NTRK3: variants seen among roughly 807,000 people sequenced by gnomAD.
NTRK3 encodes NT-3 growth factor receptor.
In NTRK3, 24 loss-of-function variants were observed where a neutral mutation model predicts 91.7. That is an observed-to-expected ratio of 0.26 (90% CI 0.19 to 0.37). NTRK3 has a LOEUF of 0.37. Among genes scored for constraint, NTRK3 ranks in the 10% least tolerant of loss-of-function variants. The probability of loss-of-function intolerance (pLI) is 1.00; values close to 1 mark genes in which losing one functional copy is unlikely to be tolerated. For missense variants in NTRK3, 880 were observed against 1,068.9 expected (o/e 0.82, Z 2.46); for synonymous variants, 483 against 404.0 (o/e 1.20, Z -2.34).
intron 3 of NTRK3, among the ~76,000 whole-genome samples, chr15:88,214,131 C>G (rs1328377483): frequency 6.6e-6 from 1 of 152,072 alleles, no homozygotes; most frequent in Non-Finnish European, 1.5e-5. Context: ...GATCTACGTG[C>G]TTAGCCACTG....
Position 88,255,480 on chromosome 15 carries a change from G to A in NTRK3, c.248+426C>T, listed in dbSNP as rs2053940741. 6.6e-6 allele frequency among the ~76,000 whole-genome samples: 1 copy of A among 152,068 alleles called. No individual in the cohort carries two copies. Among genetic ancestry groups the A allele is most frequent in the Admixed American group, 6.5e-5 (1 of 15,276 alleles). ...CCTTCCCTGCCGGCTAAGCGCTGCC[G>A]CCGCTGCCACCGCCGCTGCCGCCTC... is the stretch of plus-strand genomic sequence containing the variant. On this transcript the variant is annotated intron_variant, in intron 3 of 18. Transcript: ENST00000394480. The surrounding 1 kb of genome is among the most constrained non-coding windows in gnomAD (Gnocchi z 4.3).
intron 13 of NTRK3, among the ~76,000 whole-genome samples, chr15:88,121,292 TG>T (rs2052678838): frequency 6.6e-6 from 1 of 152,204 alleles, no homozygotes; most frequent in African/African-American, 2.4e-5. Flanking sequence ...GAAATGATGA[TG>T]GTGCACTATG....
exon 19 of NTRK3, chr15:87,873,598 T>C (rs1056461587): frequency 3.9e-5 from 9 of 231,918 alleles, no homozygotes; most frequent in Non-Finnish European, 6.0e-5. Flanking sequence ...CATGGTCTTC[T>C]AAAAGGTGGA....
At chr15:87,987,988 TAG>T (rs1028225242) in intron 14 of NTRK3, among the ~76,000 whole-genome samples, 4 of 152,300 alleles carry the variant, frequency 2.6e-5, no homozygotes, top group Non-Finnish European at 5.9e-5. Context: ...CTCAAGGACG[TAG>T]AGTTTCACTT....
intron 3 of NTRK3, among the ~76,000 whole-genome samples, chr15:88,228,919 A>G (rs545066565): frequency 2.6e-5 from 4 of 152,300 alleles, no homozygotes; most frequent in African/African-American, 9.6e-5. Flanking sequence ...CAGAAGTCTA[A>G]GGGTGGGAGT....
At chr15:88,094,167 T>G (rs929507248) in intron 13 of NTRK3, among the ~76,000 whole-genome samples, 1 of 152,036 alleles carries the variant, frequency 6.6e-6, no homozygotes, top group African/African-American at 2.4e-5. Context: ...GGAAGGGGCT[T>G]AAGAATAAAA....
chr15:88,030,517 G>T (rs1426044363), intron 14 of NTRK3, among the ~76,000 whole-genome samples: 1 of 152,168 alleles, frequency 6.6e-6, no homozygotes, highest in Non-Finnish European at 1.5e-5. Flanking sequence ...TCTGTGAGCA[G>T]ATATGATCAC....
intron 5 of NTRK3, among the ~76,000 whole-genome samples, chr15:88,166,716 A>G (rs1194718114): frequency 6.6e-6 from 1 of 152,210 alleles, no homozygotes; most frequent in Admixed American, 6.5e-5. Context: ...TATATCAGTT[A>G]CAACAGAAAG....
intron 5 of NTRK3, among the ~76,000 whole-genome samples, chr15:88,158,383 C>G (rs2044117533): frequency 6.6e-6 from 1 of 152,212 alleles, no homozygotes; most frequent in South Asian, 2.1e-4. Context: ...TGTAACAAGA[C>G]AGCAGGCAGC....
At chr15:88,204,920 C>A (rs2048613258) in intron 3 of NTRK3, among the ~76,000 whole-genome samples, 1 of 152,152 alleles carries the variant, frequency 6.6e-6, no homozygotes, top group African/African-American at 2.4e-5. Flanking sequence ...TCAGTTGGAT[C>A]AAACCACTTT....
At chr15:88,025,819 C>G (rs1164157596) in intron 14 of NTRK3, among the ~76,000 whole-genome samples, 1 of 152,144 alleles carries the variant, frequency 6.6e-6, no homozygotes, top group African/African-American at 2.4e-5. Flanking sequence ...GAAATAAAAA[C>G]TGTAATACAG....
intron 17 of NTRK3, among the ~76,000 whole-genome samples, chr15:87,898,823 T>TAAAAAAAAAA (rs34425235): frequency 3.5e-4 from 36 of 103,796 alleles, no homozygotes; most frequent in African/African-American, 4.7e-4. Context: ...CTGTCTCTAC[T>TAAAAAAAAAA]AAAAAAAAAA....
At chr15:87,948,273 A>G (rs1231089325) in intron 14 of NTRK3, among the ~76,000 whole-genome samples, 1 of 152,240 alleles carries the variant, frequency 6.6e-6, no homozygotes, top group Non-Finnish European at 1.5e-5. Flanking sequence ...TTTATAGACT[A>G]GGAGAAAAAA....
At chr15:88,251,105 G>C (rs1159770224) in intron 3 of NTRK3, among the ~76,000 whole-genome samples, 1 of 152,176 alleles carries the variant, frequency 6.6e-6, no homozygotes, top group East Asian at 1.9e-4. Flanking sequence ...ATTTGGTCTG[G>C]GCAGTTGACT....
chr15:87,939,208 A>G (rs928201483), intron 15 of NTRK3, among the ~76,000 whole-genome samples: 17 of 152,212 alleles, frequency 1.1e-4, no homozygotes, highest in African/African-American at 4.1e-4. Context: ...ATTCAGTAAT[A>G]TCAACATCAA....
intron 14 of NTRK3, among the ~76,000 whole-genome samples, chr15:88,017,161 G>T (rs2077292328): frequency 6.6e-6 from 1 of 152,232 alleles, no homozygotes; most frequent in African/African-American, 2.4e-5. Flanking sequence ...TTTGGGGTGT[G>T]CTGGGAGGTC....
intron 13 of NTRK3, among the ~76,000 whole-genome samples, chr15:88,080,891 G>A (rs2047982881): frequency 1.3e-5 from 2 of 152,252 alleles, no homozygotes; most frequent in Non-Finnish European, 1.5e-5. Flanking sequence ...GCAACTGGCA[G>A]TGTTGGTCCA....
Position 87,863,988 on chromosome 15 carries a change from CACACAT to C in NTRK3, c.*12941_*12946del, listed in dbSNP as rs1213732740. 16 of 216,752 alleles carry C rather than the reference CACACAT, an allele frequency of 7.4e-5. No homozygotes were observed. In the South Asian group the frequency reaches 8.1e-4, roughly 11 times the overall value. 13.4% of individuals were successfully genotyped at this position (216,752 alleles called of 1,614,324 possible). On this transcript the variant is annotated 3_prime_UTR_variant, in exon 19 of 19. Coordinates refer to ENST00000394480, the Ensembl canonical transcript of NTRK3. ...ACCAGGCAAAATACACACACACACA[CACACAT>C]ACACACACACACACACACACACACA...
chr15:88,108,044 T>C (rs953850399), intron 13 of NTRK3, among the ~76,000 whole-genome samples: 3 of 152,132 alleles, frequency 2.0e-5, no homozygotes, highest in Admixed American at 1.3e-4. Flanking sequence ...CAGTAGCCCA[T>C]AGGCAAAGAC....
Sources: gnomAD v4.1 joint callset for allele counts (sites outside exome capture counted in the v4.1 genomes callset) on GRCh38, gnomAD v4.1.1 for gene constraint, Gnocchi (gnomAD v3.1) non-coding constraint, MANE v1.5 for transcripts, NCBI Gene and HGNC (gene_info 2026-07-23, HGNC 2026-07-21) for gene names.